Variants in GTF3C3 observed in about 807,000 individuals in gnomAD.
GTF3C3 encodes the protein general transcription factor 3C polypeptide 3.
GTF3C3 carries 75 observed loss-of-function variants against 105.2 expected under a neutral mutation model. The observed-to-expected ratio is 0.71, with a 90% CI of 0.59 to 0.86. GTF3C3 has a LOEUF of 0.86. GTF3C3 is among the 40% of genes least tolerant of loss of function. GTF3C3 has a pLI of 0.00. For missense variants in GTF3C3, 856 were observed against 1,076.5 expected (o/e 0.80, Z 2.87); for synonymous variants, 335 against 370.4 (o/e 0.90, Z 1.10).
intron 13 of GTF3C3, among the ~76,000 whole-genome samples, chr2:196,774,783 A>G (rs557383476): frequency 2.9e-4 from 44 of 152,232 alleles, no homozygotes; most frequent in Non-Finnish European, 5.4e-4. Context: ...TGGAATATAT[A>G]TAAGTGAAGT....
chr2:196,764,692 A>G lies in GTF3C3; in HGVS notation c.2539-7T>C, dbSNP rs547026765. Reference sequence around the variant, plus strand: ...ACTGGTCAAGTTCTATACCCTAGGGAGAAAAAGATACCTTTATGTTTAATA... The same window carrying G: ...ACTGGTCAAGTTCTATACCCTAGGGGGAAAAAGATACCTTTATGTTTAATA... On this transcript the variant is annotated splice_region_variant and splice_polypyrimidine_tract_variant and intron_variant, in intron 17 of 17. Transcript: ENST00000263956. 57 of 1,602,616 alleles carry G rather than the reference A, an allele frequency of 3.6e-5. No individual in the cohort carries two copies. In the African/African-American group the frequency reaches 6.3e-4, roughly 18 times the overall value.
chr2:196,773,297 A>AG, intron 13 of GTF3C3, 144 bp from the exon 14 acceptor site: 1 of 645,544 alleles, frequency 1.5e-6, no homozygotes, highest in Non-Finnish European at 2.8e-6. Flanking sequence ...AAAGATGAGA[A>AG]GGGGTAGTTG....
rs1271375761 is a variant in GTF3C3, at chr2:196,776,545, G to C, written c.1475C>G (p.Ala492Gly). The change falls in exon 11 of 18, where the codon GCA (alanine) becomes GGA (glycine). Residue 492 changes from alanine (A) to glycine (G), a missense_variant. Physicochemically the swap from Ala to Gly is moderately conservative, Grantham distance 60. Around this residue, in one of 3 missense-constraint regions of GTF3C3, gnomAD observed 605 missense variants for 833.6 expected, o/e 0.73. Transcript: ENST00000263956. The surrounding 1 kb of genome is among the most constrained non-coding windows in gnomAD (Gnocchi z 4.5). ...VVDLAPLHLD[A>G]RISLSTLQQQ... ...CTGAAGGGTAGAAAGTGAAATCCTTGCATCCAAATGGAGTGGGGCCAGATC... is the reference window on the plus strand; with the variant it reads ...CTGAAGGGTAGAAAGTGAAATCCTTCCATCCAAATGGAGTGGGGCCAGATC... 6.2e-7 allele frequency: 1 copy of C among 1,614,100 alleles called. No homozygotes were observed. The highest frequency in any genetic ancestry group is 8.5e-7 in the Non-Finnish European group (1 of 1,179,958).
chr2:196,767,844 T>G (rs1184449694), intron 16 of GTF3C3, among the ~76,000 whole-genome samples: 1 of 152,240 alleles, frequency 6.6e-6, no homozygotes, highest in African/African-American at 2.4e-5. Context: ...GTAGGTCCCC[T>G]AATACAATAA....
chr2:196,784,819 G>C (rs1000053424), intron 8 of GTF3C3, 38 bp downstream of exon 8: 2 of 1,568,326 alleles, frequency 1.3e-6, no homozygotes, highest in Non-Finnish European at 1.7e-6. Flanking sequence ...GACCAAGAGA[G>C]GATTATATAC....
chr2:196,764,353 A>AAAATGACAGACCAATATACAAAT lies in GTF3C3; in HGVS notation c.*187_*209dup. On this transcript the variant is annotated 3_prime_UTR_variant, in exon 18 of 18. Coordinates refer to ENST00000263956, the MANE Select transcript of GTF3C3 (RefSeq NM_012086.5). ...ACAATTCACTATAGAATGTGAAAGG[A>AAAATGACAGACCAATATACAAAT]AAATGACAGACCAATATACAAATTT... The AAAATGACAGACCAATATACAAAT allele has an allele frequency of 2.3e-6, 1 of 429,484 alleles. No homozygotes were observed. Among genetic ancestry groups the AAAATGACAGACCAATATACAAAT allele is most frequent in the Non-Finnish European group, 4.1e-6 (1 of 242,076 alleles). 26.6% of individuals were successfully genotyped at this position (429,484 alleles called of 1,614,324 possible). A position where few individuals can be genotyped will look rare whatever the true frequency, so the allele number is the denominator to read the frequency against.
chr2:196,790,302 A>C (rs2125750004), intron 4 of GTF3C3, among the ~76,000 whole-genome samples: 1 of 152,312 alleles, frequency 6.6e-6, no homozygotes, highest in East Asian at 1.9e-4. Flanking sequence ...GCAAGGTATA[A>C]TTTCATGAAA....
In GTF3C3 at chr2:196,791,467, G is replaced by A. The variant is rs1405008805; in HGVS notation, c.412-7C>T. ...TACTCCGAGGCCTTTTCTCCTGTAT[G>A]GAAGAAAAATGACATTTAGATTAAA... On this transcript the variant is annotated splice_region_variant and splice_polypyrimidine_tract_variant and intron_variant, in intron 3 of 17. Transcript: ENST00000263956. 1 of 1,602,416 alleles carries A rather than the reference G, an allele frequency of 6.2e-7. No homozygotes were observed. The highest frequency in any genetic ancestry group is 2.2e-5 in the East Asian group (1 of 44,762).
chr2:196,786,027 C>T lies in GTF3C3; in HGVS notation c.894-439G>A, dbSNP rs1282466516. 2.6e-5 allele frequency among the ~76,000 whole-genome samples: 4 copies of T among 152,240 alleles called. No individual in the cohort carries two copies. In the South Asian group the frequency reaches 8.3e-4, roughly 32 times the overall value. ...TCTTGATCAAAATCACTCAATAAAA[C>T]TCCAAGCCTGGTTAAAATCCAACTA... On this transcript the variant is annotated intron_variant, in intron 6 of 17. Coordinates refer to ENST00000263956, the MANE Select transcript of GTF3C3 (RefSeq NM_012086.5). The surrounding 1 kb of genome is among the most constrained non-coding windows in gnomAD (Gnocchi z 4.2).
intron 4 of GTF3C3, among the ~76,000 whole-genome samples, chr2:196,790,703 T>C (rs1699531252): frequency 6.6e-6 from 1 of 152,148 alleles, no homozygotes; most frequent in Non-Finnish European, 1.5e-5. Context: ...AGCCTCAAAT[T>C]ACCCTAATGA....
At chr2:196,797,672 C>G in intron 2 of GTF3C3, 125 bp downstream of exon 2, 1 of 638,422 alleles carries the variant, frequency 1.6e-6, no homozygotes, top group South Asian at 1.9e-5. Flanking sequence ...ACCAAGCATT[C>G]TGTTCCTGAA....
chr2:196,789,739 A>G, intron 5 of GTF3C3, 140 bp downstream of exon 5: 1 of 586,656 alleles, frequency 1.7e-6, no homozygotes. Context: ...AGGAACCCCA[A>G]ATACTTACCT....
At position 196,784,837 on chromosome 2, in the gene GTF3C3, TA is replaced by T; in HGVS notation, c.1114+19del. The T allele has an allele frequency of 6.2e-7, 1 of 1,600,872 alleles. No homozygotes were observed. Among genetic ancestry groups the T allele is most frequent in the Non-Finnish European group, 8.5e-7 (1 of 1,175,282 alleles). ...CAAGAGAGGATTATATACACTTTCC[TA>T]AGCAGAGGAAACTACAACCTTTATT... On this transcript the variant is annotated intron_variant, in intron 8 of 17. Transcript: ENST00000263956.
intron 8 of GTF3C3, among the ~76,000 whole-genome samples, chr2:196,784,099 G>T (rs1168791962): frequency 6.6e-6 from 1 of 152,104 alleles, no homozygotes; most frequent in East Asian, 1.9e-4. Flanking sequence ...TAGCCCAAAG[G>T]ATTACATAAT....
chr2:196,787,597 T>C (rs895984722), intron 6 of GTF3C3, among the ~76,000 whole-genome samples: 3 of 152,168 alleles, frequency 2.0e-5, no homozygotes, highest in African/African-American at 4.8e-5. Flanking sequence ...CAGAGAATTA[T>C]GTCCTTCTCT....
chr2:196,797,885 T>C lies in GTF3C3; in HGVS notation c.126A>G (p.Leu42=). 6.2e-7 allele frequency: 1 copy of C among 1,605,042 alleles called. No individual in the cohort carries two copies. Among genetic ancestry groups the C allele is most frequent in the Non-Finnish European group, 8.5e-7 (1 of 1,171,702 alleles). ...EKKSLQEKGK[L]SAEENPDDSE... ...AGTCATCGGGATTTTCTTCAGCTGATAACTTGCCTTTTTCCTGAAGACTCT... is the reference window on the plus strand; with the variant it reads ...AGTCATCGGGATTTTCTTCAGCTGACAACTTGCCTTTTTCCTGAAGACTCT... Residue 42 remains leucine (L), a synonymous_variant, in exon 2 of 18, where the codon TTA becomes TTG. Transcript: ENST00000263956.
chr2:196,772,986 C>A lies in GTF3C3; in HGVS notation c.1999G>T (p.Glu667Ter). ...SFYDDRQKRK[E>*]LEYFGLSAAI... ...GCAGACAGACCAAAGTATTCTAGTTCTTTGCGTTTTTGCCTGTCATCATAA... is the reference window on the plus strand; with the variant it reads ...GCAGACAGACCAAAGTATTCTAGTTATTTGCGTTTTTGCCTGTCATCATAA... Residue 667 changes from glutamate (E) to a stop codon, truncating the protein, a stop_gained, in exon 14 of 18, where the codon GAA becomes TAA. Transcript: ENST00000263956. LOFTEE classifies it high-confidence loss of function. 6.2e-7 allele frequency: 1 copy of A among 1,611,568 alleles called. No homozygotes were observed.
chr2:196,775,496 A>G (rs1426194667), intron 12 of GTF3C3, among the ~76,000 whole-genome samples: 3 of 152,336 alleles, frequency 2.0e-5, no homozygotes, highest in African/African-American at 4.8e-5. Context: ...GTAAGAAAAA[A>G]GGAAACCAAA....
rs1424528148 is a variant in GTF3C3, at chr2:196,782,184, G to A, written c.1115-1522C>T. The stretch of plus-strand genomic sequence containing the variant: ...GCCCTTGTAAAAGAGGTCTGAAGAA[G>A]CTTGTTTGTCCCTTTTGCCACGTGA... On this transcript the variant is annotated intron_variant, in intron 8 of 17. Coordinates refer to ENST00000263956, the MANE Select transcript of GTF3C3 (RefSeq NM_012086.5). Among the ~76,000 whole-genome samples the A allele has an allele frequency of 2.0e-5, 3 of 152,174 alleles. No homozygotes were observed. The East Asian group carries it at 5.8e-4, about 29-fold the overall frequency.
Sources: allele counts gnomAD v4.1 joint callset (sites outside exome capture counted in the v4.1 genomes callset), GRCh38; gene constraint gnomAD v4.1.1; regional missense constraint gnomAD v4.1.1; non-coding constraint Gnocchi (gnomAD v3.1); transcripts MANE v1.5; gene names NCBI Gene and HGNC (gene_info 2026-07-23, HGNC 2026-07-21).